GRID2IP: variants seen among roughly 807,000 people sequenced by gnomAD.
GRID2IP encodes Grid2 interacting protein, also known as delphilin.
Under a neutral mutation model 114.3 loss-of-function variants are expected in GRID2IP, and 78 were observed. That is an observed-to-expected ratio of 0.68 (90% CI 0.57 to 0.82). The LOEUF is 0.82. GRID2IP is among the 40% of genes least tolerant of loss of function. GRID2IP has a pLI of 0.00. For synonymous variants in GRID2IP, 809 were observed against 724.0 expected (o/e 1.12, Z -1.89); for missense variants, 1,727 against 1,678.5 (o/e 1.03, Z -0.51).
In GRID2IP at chr7:6,509,445, T is replaced by C. The variant is rs1583337010; in HGVS notation, c.1772-132A>G. The C allele has an allele frequency of 1.3e-6, 1 of 796,804 alleles. No homozygotes were observed. Among genetic ancestry groups the C allele is most frequent in the East Asian group, 3.2e-5 (1 of 30,964 alleles). The allele number at this position is 796,804 out of a possible 1,614,324, so 49.4% of individuals were successfully genotyped here. On this transcript the variant is annotated intron_variant, in intron 11 of 21. Coordinates refer to ENST00000457091, the MANE Select transcript of GRID2IP (RefSeq NM_001145118.2). The surrounding 1 kb of genome is among the most constrained non-coding windows in gnomAD (Gnocchi z 4.9). Reference sequence around the variant, plus strand: ...CTCTCCTTTCCCTCTCTGGGCACAGTGCAGGAAGACCTTGAGCGGCCCTGC... The same window carrying C: ...CTCTCCTTTCCCTCTCTGGGCACAGCGCAGGAAGACCTTGAGCGGCCCTGC...
rs11773436 is a variant in GRID2IP, at chr7:6,507,327, G to A, written c.2544+658C>T. Among the ~76,000 whole-genome samples the A allele has an allele frequency of 0.3, 45,322 of 151,754 alleles. 7,936 individuals are homozygous for A. The highest frequency in any genetic ancestry group is 0.44 in the Middle Eastern group (128 of 292). On this transcript the variant is annotated intron_variant, in intron 13 of 21. Coordinates refer to ENST00000457091, the MANE Select transcript of GRID2IP (RefSeq NM_001145118.2). The surrounding 1 kb of genome is among the most constrained non-coding windows in gnomAD (Gnocchi z 5.3). ...CCATCTGGGAATGTCTCTTTGACAG[G>A]GACATGGACACTGGAGTGGGGGTTG...
chr7:6,542,156 G>A (rs558567630), intron 1 of GRID2IP, among the ~76,000 whole-genome samples: 5 of 151,848 alleles, frequency 3.3e-5, no homozygotes, highest in African/African-American at 1.2e-4. Context: ...ACAAAAATTA[G>A]CCAGACGTGG....
At position 6,519,284 on chromosome 7, in the gene GRID2IP, A is replaced by G. The variant is rs1779368781; in HGVS notation, c.1268+1294T>C. 6.6e-6 allele frequency among the ~76,000 whole-genome samples: 1 copy of G among 152,216 alleles called. No individual in the cohort carries two copies. The highest frequency in any genetic ancestry group is 2.4e-5 in the African/African-American group (1 of 41,456). ...CGTATTTGTGAATATACTAAAAACCACTGAATTGTATAATTAAATGGCAAA... is the reference window on the plus strand; with the variant it reads ...CGTATTTGTGAATATACTAAAAACCGCTGAATTGTATAATTAAATGGCAAA... On this transcript the variant is annotated intron_variant, in intron 7 of 21. Coordinates refer to ENST00000457091, the MANE Select transcript of GRID2IP (RefSeq NM_001145118.2). The surrounding 1 kb of genome is among the most constrained non-coding windows in gnomAD (Gnocchi z 4.1).
intron 4 of GRID2IP, 95 bp from the exon 5 acceptor site, chr7:6,522,052 T>C: frequency 9.9e-7 from 1 of 1,008,198 alleles, no homozygotes; most frequent in Non-Finnish European, 1.5e-6. Flanking sequence ...AAATGGAGAC[T>C]CAGAGACCCA....
In GRID2IP at chr7:6,503,537, C is replaced by T; in HGVS notation, c.2861G>A (p.Arg954His). ...ADEEQRYQAF[R>H]EAPGRLSEPD... ...CTCGCTGAGGCGGCCGGGCGCCTCG[C>T]GGAAGGCCTGGTAGCGCTGCTCCTC... The change falls in exon 16 of 22, where the codon CGC (arginine) becomes CAC (histidine). Residue 954 changes from arginine to histidine, a missense_variant. Coordinates refer to ENST00000457091, the MANE Select transcript of GRID2IP (RefSeq NM_001145118.2). The T allele has an allele frequency of 6.5e-7, 1 of 1,526,846 alleles. No homozygotes were observed. 94.6% of individuals were successfully genotyped at this position (1,526,846 alleles called of 1,614,324 possible).
chr7:6,529,272 G>T (rs559392648), intron 2 of GRID2IP, among the ~76,000 whole-genome samples: 2 of 152,144 alleles, frequency 1.3e-5, no homozygotes, highest in Non-Finnish European at 2.9e-5. Context: ...CCAAAGTGGT[G>T]AAACCCCATC....
chr7:6,508,938 A>G lies in GRID2IP; in HGVS notation c.2127+20T>C. The G allele has an allele frequency of 6.5e-7, 1 of 1,540,752 alleles. No homozygotes were observed. The highest frequency in any genetic ancestry group is 8.7e-7 in the Non-Finnish European group (1 of 1,145,182). On this transcript the variant is annotated intron_variant, in intron 12 of 21. Coordinates refer to ENST00000457091, the MANE Select transcript of GRID2IP (RefSeq NM_001145118.2). This position sits in a 1 kb window ranked among gnomAD's most constrained non-coding sequence, Gnocchi z 5.6. ...CACCTCGCCTCACCCGCCTCCCTCC[A>G]CACCTGCTTGCGTGCCCACCTCCTC...
In GRID2IP at chr7:6,496,847, C is replaced by G. The variant is rs1786269210; in HGVS notation, c.*927G>C. 6.6e-6 allele frequency among the ~76,000 whole-genome samples: 1 copy of G among 152,130 alleles called. No individual in the cohort carries two copies. The highest frequency in any genetic ancestry group is 1.5e-5 in the Non-Finnish European group (1 of 68,034). On this transcript the variant is annotated 3_prime_UTR_variant, in exon 22 of 22. Transcript: ENST00000457091. ...GAAACAGTTCACACACCCTCCCTCCCTGCCCACCACGCCACCTGCTCCTGC... is the reference window on the plus strand; with the variant it reads ...GAAACAGTTCACACACCCTCCCTCCGTGCCCACCACGCCACCTGCTCCTGC...
At chr7:6,549,544 C>T (rs1039888729) in intron 1 of GRID2IP, among the ~76,000 whole-genome samples, 2 of 152,340 alleles carry the variant, frequency 1.3e-5, no homozygotes, top group South Asian at 2.1e-4. Context: ...CCAGCCAGGC[C>T]GCTGTGCAAG....
At chr7:6,548,623 G>C (rs184069028) in intron 1 of GRID2IP, among the ~76,000 whole-genome samples, 65 of 152,014 alleles carry the variant, frequency 4.3e-4, no homozygotes, top group African/African-American at 1.6e-3. Context: ...GGATCACGAG[G>C]TCAGGAGTTC....
rs556589312 is a variant in GRID2IP, at chr7:6,530,603, G to C, written c.585-3834C>G. 4.3e-3 allele frequency among the ~76,000 whole-genome samples: 653 copies of C among 150,220 alleles called. 4 individuals carry two copies. The highest frequency in any genetic ancestry group is 6.8e-3 in the Non-Finnish European group (459 of 67,802). On this transcript the variant is annotated intron_variant, in intron 2 of 21. Coordinates refer to ENST00000457091, the MANE Select transcript of GRID2IP (RefSeq NM_001145118.2). ...ACCCAGCTTTCTTTATCTCACCTTT[G>C]ATCATCAGCCAGCGAAATGGTGGCA...
Position 6,551,456 on chromosome 7 carries a change from G to C in GRID2IP, c.-20C>G, listed in dbSNP as rs536379309. On this transcript the variant is annotated 5_prime_UTR_variant, in exon 1 of 22. Coordinates refer to ENST00000457091, the MANE Select transcript of GRID2IP (RefSeq NM_001145118.2). ...GGCCATGCACCTAGAACTGGAGACA[G>C]AACAGGGATTTCCTTGCTGCTCTGT... The C allele has an allele frequency of 5.7e-4, 880 of 1,532,818 alleles. No individual in the cohort carries two copies. Among genetic ancestry groups the C allele is most frequent in the Non-Finnish European group, 7.3e-4 (833 of 1,138,728 alleles). The allele number at this position is 1,532,818 out of a possible 1,614,324, so 95.0% of individuals were successfully genotyped here.
chr7:6,524,818 G>C (rs1201152197), intron 4 of GRID2IP, among the ~76,000 whole-genome samples: 1 of 151,624 alleles, frequency 6.6e-6, no homozygotes, highest in Non-Finnish European at 1.5e-5. Context: ...CCGGGCTCAC[G>C]CCATTCTCCT....
At chr7:6,530,571 G>C (rs1001634497) in intron 2 of GRID2IP, among the ~76,000 whole-genome samples, 1 of 150,988 alleles carries the variant, frequency 6.6e-6, no homozygotes, top group African/African-American at 2.4e-5. Context: ...ACCGCGCCTG[G>C]CCCCCCACCC....
At chr7:6,503,427 T>C in intron 16 of GRID2IP, 64 bp downstream of exon 16, 1 of 1,408,420 alleles carries the variant, frequency 7.1e-7, no homozygotes, top group African/African-American at 1.5e-5. Flanking sequence ...CCAGCAGCCC[T>C]GGCCACAGCG....
chr7:6,539,167 C>T (rs1439253943), intron 2 of GRID2IP, among the ~76,000 whole-genome samples: 1 of 149,350 alleles, frequency 6.7e-6, no homozygotes, highest in Non-Finnish European at 1.5e-5. Context: ...CTTGCTCTGT[C>T]ATCCAGGCTG....
chr7:6,501,334 G>C (rs1786409232), intron 20 of GRID2IP, among the ~76,000 whole-genome samples: 1 of 151,930 alleles, frequency 6.6e-6, no homozygotes, highest in African/African-American at 2.4e-5. Context: ...CTGGGCAACA[G>C]AGCAAGGCTC....
Position 6,551,207 on chromosome 7 carries a change from G to A in GRID2IP, c.230C>T (p.Pro77Leu), listed in dbSNP as rs1779973826. The A allele has an allele frequency of 6.7e-7, 1 of 1,485,214 alleles. No individual in the cohort carries two copies. Among genetic ancestry groups the A allele is most frequent in the Non-Finnish European group, 8.9e-7 (1 of 1,125,374 alleles). The allele number at this position is 1,485,214 out of a possible 1,614,324, so 92.0% of individuals were successfully genotyped here. A position where few individuals can be genotyped will look rare whatever the true frequency, so the allele number is the denominator to read the frequency against. ...GGGAGCCGGGAGCACGCCCAGACTG[G>A]GCGGCACACGTGGGCAGCGCCGTGC... Reference protein sequence around the residue: ...RLARRCPRVPPSLGVLPAPDG... With the variant: ...RLARRCPRVPLSLGVLPAPDG... The change falls in exon 1 of 22, where the codon CCC (proline) becomes CTC (leucine). Residue 77 changes from proline (P) to leucine (L), a missense_variant. Physicochemically the swap from Pro to Leu is moderately conservative, Grantham distance 98. Transcript: ENST00000457091.
At chr7:6,529,016 C>T (rs989032073) in intron 2 of GRID2IP, among the ~76,000 whole-genome samples, 1 of 152,152 alleles carries the variant, frequency 6.6e-6, no homozygotes, top group Non-Finnish European at 1.5e-5. Flanking sequence ...GGAGAGAAGA[C>T]ACACACACCT....
Sources: gnomAD v4.1 joint callset for allele counts (sites outside exome capture counted in the v4.1 genomes callset) on GRCh38, gnomAD v4.1.1 for gene constraint, Gnocchi (gnomAD v3.1) non-coding constraint, MANE v1.5 for transcripts, NCBI Gene and HGNC (gene_info 2026-07-23, HGNC 2026-07-21) for gene names.